Variants in GRID2IP observed in about 807,000 individuals in gnomAD.
GRID2IP encodes the protein Grid2 interacting protein, also known as delphilin.
Under a neutral mutation model 114.3 loss-of-function variants are expected in GRID2IP, and 78 were observed. The ratio of observed to expected loss-of-function variants is 0.68; its 90% CI spans 0.57 to 0.82. The LOEUF (loss-of-function observed/expected upper bound fraction) is 0.82. Ranked by LOEUF, GRID2IP falls within the 40% of genes least tolerant of loss-of-function variation. The pLI, the probability that GRID2IP is intolerant of heterozygous loss-of-function variation, is 0.00. For synonymous variants in GRID2IP, 809 were observed against 724.0 expected (o/e 1.12, Z -1.89); for missense variants, 1,727 against 1,678.5 (o/e 1.03, Z -0.51).
rs1349304372 is a variant in GRID2IP, at chr7:6,528,586, G to T, written c.585-1817C>A. Reference sequence around the variant, plus strand: ...GGTGCCAGGGCCAAGGGCAAGATGAGGGGGAGAAGGGAGAAGGGATCAGTG... The same window carrying T: ...GGTGCCAGGGCCAAGGGCAAGATGATGGGGAGAAGGGAGAAGGGATCAGTG... On this transcript the variant is annotated intron_variant, in intron 2 of 21. Transcript: ENST00000457091. The surrounding 1 kb of genome is among the most constrained non-coding windows in gnomAD (Gnocchi z 6.0). Among the ~76,000 whole-genome samples, 1 of 152,228 alleles carries T rather than the reference G, an allele frequency of 6.6e-6. No homozygotes were observed. Among genetic ancestry groups the T allele is most frequent in the Non-Finnish European group, 1.5e-5 (1 of 68,036 alleles).
At chr7:6,531,244 C>A (rs1216885298) in intron 2 of GRID2IP, 2 of 417,088 alleles carry the variant, frequency 4.8e-6, no homozygotes, top group Non-Finnish European at 8.5e-6. Flanking sequence ...GGCCCGCAGC[C>A]CCGCCCTGGC....
intron 8 of GRID2IP, among the ~76,000 whole-genome samples, chr7:6,514,113 C>T (rs1172513563): frequency 3.3e-5 from 5 of 151,958 alleles, no homozygotes; most frequent in South Asian, 2.1e-4. Context: ...AATAGCTGGG[C>T]GTAGTGACAT....
chr7:6,511,022 G>C lies in GRID2IP; in HGVS notation c.1441C>G (p.Leu481Val), dbSNP rs1213098567. ...TAMTAEPEPE[L>V]DLESEPTPEP... The stretch of plus-strand genomic sequence containing the variant: ...GGCGTGGGCTCGGACTCCAGGTCCA[G>C]CTCAGGCTCCGGCTCTGCTGTGGGA... Residue 481 changes from leucine to valine, a missense_variant, in exon 9 of 22, where the codon CTG becomes GTG. Leu to Val is a conservative substitution (Grantham distance 32). Transcript: ENST00000457091. 2 of 1,480,428 alleles carry C rather than the reference G, an allele frequency of 1.4e-6. No homozygotes were observed. Among genetic ancestry groups the C allele is most frequent in the Non-Finnish European group, 1.8e-6 (2 of 1,114,314 alleles). The allele number at this position is 1,480,428 out of a possible 1,614,324, so 91.7% of individuals were successfully genotyped here.
intron 1 of GRID2IP, among the ~76,000 whole-genome samples, chr7:6,545,689 T>C (rs557354346): frequency 2.0e-5 from 3 of 152,306 alleles, no homozygotes; most frequent in East Asian, 3.9e-4. Context: ...GTCTCATGCT[T>C]GTCCAGCCCC....
At chr7:6,543,379 G>T (rs1339479301) in intron 1 of GRID2IP, among the ~76,000 whole-genome samples, 1 of 150,414 alleles carries the variant, frequency 6.6e-6, no homozygotes, top group Non-Finnish European at 1.5e-5. Context: ...CCTGGTGACA[G>T]AGCGAGGCTC....
At chr7:6,545,455 C>G (rs1779872990) in intron 1 of GRID2IP, among the ~76,000 whole-genome samples, 1 of 152,176 alleles carries the variant, frequency 6.6e-6, no homozygotes, top group Admixed American at 6.6e-5. Flanking sequence ...GAACCCCAGA[C>G]AGTGACTCTC....
In GRID2IP at chr7:6,526,171, T is replaced by G; in HGVS notation, c.919+53A>C. The G allele has an allele frequency of 6.9e-7, 1 of 1,447,262 alleles. No homozygotes were observed. Among genetic ancestry groups the G allele is most frequent in the Admixed American group, 2.0e-5 (1 of 50,844 alleles). 89.7% of individuals were successfully genotyped at this position (1,447,262 alleles called of 1,614,324 possible). On this transcript the variant is annotated intron_variant, in intron 4 of 21. Coordinates refer to ENST00000457091, the MANE Select transcript of GRID2IP (RefSeq NM_001145118.2). The surrounding 1 kb of genome is among the most constrained non-coding windows in gnomAD (Gnocchi z 7.6). ...ACCCGGCAGAGCCACCACGGGGCCC[T>G]TCACCCCATCCTGGGCCTTAGGGAC...
Position 6,526,458 on chromosome 7 carries a change from G to T in GRID2IP, c.833+63C>A. ...CCCCGCCCCTACGCCCTCTCCCCGG[G>T]TCTCGGTCCCGAGCCCACCCGCAGG... On this transcript the variant is annotated intron_variant, in intron 3 of 21. Transcript: ENST00000457091. The surrounding 1 kb of genome is among the most constrained non-coding windows in gnomAD (Gnocchi z 7.6). 1 of 1,466,314 alleles carries T rather than the reference G, an allele frequency of 6.8e-7. No homozygotes were observed. The highest frequency in any genetic ancestry group is 9.0e-7 in the Non-Finnish European group (1 of 1,107,906). The allele number at this position is 1,466,314 out of a possible 1,614,324, so 90.8% of individuals were successfully genotyped here.
Position 6,521,588 on chromosome 7 carries a change from G to C in GRID2IP, c.990-65C>G. The C allele has an allele frequency of 8.3e-7, 1 of 1,209,274 alleles. No individual in the cohort carries two copies. The highest frequency in any genetic ancestry group is 1.2e-6 in the Non-Finnish European group (1 of 860,306). 74.9% of individuals were successfully genotyped at this position (1,209,274 alleles called of 1,614,324 possible). ...GAGCCCTGTCCACGGCCACCAGCCAGACCTCCCTGTCCTGCCCACAGAGGT... is the reference window on the plus strand; with the variant it reads ...GAGCCCTGTCCACGGCCACCAGCCACACCTCCCTGTCCTGCCCACAGAGGT... On this transcript the variant is annotated intron_variant, in intron 5 of 21. Coordinates refer to ENST00000457091, the MANE Select transcript of GRID2IP (RefSeq NM_001145118.2). The surrounding 1 kb of genome is among the most constrained non-coding windows in gnomAD (Gnocchi z 4.1).
Position 6,521,762 on chromosome 7 carries a change from C to T in GRID2IP, c.989+126G>A. ...TCAAGAGTTCCCATTGGAAGAGGGA[C>T]AGACCCTGGGGACCAAATGGTGAGA... is the stretch of plus-strand genomic sequence containing the variant. On this transcript the variant is annotated intron_variant, in intron 5 of 21. Coordinates refer to ENST00000457091, the MANE Select transcript of GRID2IP (RefSeq NM_001145118.2). This position sits in a 1 kb window ranked among gnomAD's most constrained non-coding sequence, Gnocchi z 4.1. 1.3e-6 allele frequency: 1 copy of T among 764,294 alleles called. No individual in the cohort carries two copies. Among genetic ancestry groups the T allele is most frequent in the East Asian group, 2.7e-5 (1 of 37,096 alleles). The allele number at this position is 764,294 out of a possible 1,614,324, so 47.3% of individuals were successfully genotyped here.
At chr7:6,512,525 C>G (rs1268662547) in intron 8 of GRID2IP, among the ~76,000 whole-genome samples, 1 of 149,360 alleles carries the variant, frequency 6.7e-6, no homozygotes, top group Non-Finnish European at 1.5e-5. Flanking sequence ...TTTTTTTTTT[C>G]TTTGAGATGG....
rs549936237 is a variant in GRID2IP at position 6,497,530 on chromosome 7, G to A, written c.*244C>T. ...TGGGCCCAAGAAGCCGACAGAGCAC[G>A]GTCCTCCATGTGCAGGCACACTCAG... On this transcript the variant is annotated 3_prime_UTR_variant, in exon 22 of 22. Transcript: ENST00000457091. The A allele has an allele frequency of 5.1e-5, 21 of 414,360 alleles. No individual in the cohort carries two copies. The South Asian group carries it at 7.6e-4, about 15-fold the overall frequency. The allele number at this position is 414,360 out of a possible 1,614,324, so 25.7% of individuals were successfully genotyped here.
intron 2 of GRID2IP, among the ~76,000 whole-genome samples, chr7:6,531,458 G>A (rs1484628973): frequency 6.6e-6 from 1 of 152,228 alleles, no homozygotes; most frequent in Non-Finnish European, 1.5e-5. Flanking sequence ...ACAGTGGCGA[G>A]TCCCCGCAGT....
At position 6,501,781 on chromosome 7, in the gene GRID2IP, C is replaced by T. The variant is rs1426354744; in HGVS notation, c.3399G>A (p.Ser1133=). 26 of 1,548,906 alleles carry T rather than the reference C, an allele frequency of 1.7e-5. No homozygotes were observed. Among genetic ancestry groups the T allele is most frequent in the Non-Finnish European group, 2.2e-5 (25 of 1,144,982 alleles). ...CAGGAACAGGCTGCTCAGAGGATGC[C>T]GACATGACCATTGCAAACTTGTCCT... ...SSEDKFAMVM[S]SFLETAQPAL... The change falls in exon 20 of 22, where the codon TCG becomes TCA. Residue 1133 remains serine, a splice_region_variant and synonymous_variant. Transcript: ENST00000457091.
Position 6,520,796 on chromosome 7 carries a change from C to A in GRID2IP, c.1085-35G>T. The A allele has an allele frequency of 6.5e-7, 1 of 1,531,906 alleles. No individual in the cohort carries two copies. The highest frequency in any genetic ancestry group is 8.8e-7 in the Non-Finnish European group (1 of 1,133,114). 94.9% of individuals were successfully genotyped at this position (1,531,906 alleles called of 1,614,324 possible). On this transcript the variant is annotated intron_variant, in intron 6 of 21. Transcript: ENST00000457091. This position sits in a 1 kb window ranked among gnomAD's most constrained non-coding sequence, Gnocchi z 4.6. ...CCACAGGCGGGAGAGGCATGAGTGACTCAGAGTCCCCAGGCCAGGTGTAGT... is the reference window on the plus strand; with the variant it reads ...CCACAGGCGGGAGAGGCATGAGTGAATCAGAGTCCCCAGGCCAGGTGTAGT...
At chr7:6,522,391 G>A (rs1358497588) in intron 4 of GRID2IP, among the ~76,000 whole-genome samples, 1 of 152,162 alleles carries the variant, frequency 6.6e-6, no homozygotes, top group African/African-American at 2.4e-5. Context: ...GACTCAGGCA[G>A]CATCAGTACT....
chr7:6,512,814 C>CCTGG (rs1191863660), intron 8 of GRID2IP, among the ~76,000 whole-genome samples: 1 of 151,898 alleles, frequency 6.6e-6, no homozygotes, highest in Non-Finnish European at 1.5e-5. Context: ...CACGGCCACC[C>CCTGG]CTGGCTGATT....
rs142372190 is a variant in GRID2IP at position 6,530,972 on chromosome 7, G to T, written c.585-4203C>A. 3.4e-3 allele frequency: 1,867 copies of T among 557,224 alleles called. 21 individuals carry two copies. The African/African-American group carries it at 0.034, about 10-fold the overall frequency. 34.5% of individuals were successfully genotyped at this position (557,224 alleles called of 1,614,324 possible). Reference sequence around the variant, plus strand: ...ACCCAGGGCAGGGAAGCCCCTCCACGCTCCAGCCCCACCCGCTTTCAGACC... The same window carrying T: ...ACCCAGGGCAGGGAAGCCCCTCCACTCTCCAGCCCCACCCGCTTTCAGACC... On this transcript the variant is annotated intron_variant, in intron 2 of 21. Transcript: ENST00000457091.
At chr7:6,541,399 G>T (rs574042747) in intron 1 of GRID2IP, among the ~76,000 whole-genome samples, 1 of 152,084 alleles carries the variant, frequency 6.6e-6, no homozygotes, top group Admixed American at 6.6e-5. Flanking sequence ...CATACTGTGC[G>T]CTGAGAGATC....
Sources: gnomAD v4.1 joint callset for allele counts (sites outside exome capture counted in the v4.1 genomes callset) on GRCh38, gnomAD v4.1.1 for gene constraint, Gnocchi (gnomAD v3.1) non-coding constraint, MANE v1.5 for transcripts, NCBI Gene and HGNC (gene_info 2026-07-23, HGNC 2026-07-21) for gene names.